Variants in PRDM2 observed in about 807,000 individuals in gnomAD.
PRDM2 encodes the protein PR domain zinc finger protein 2.
PRDM2 carries 30 observed loss-of-function variants against 130.0 expected under a neutral mutation model. The observed-to-expected ratio is 0.23, with a 90% CI of 0.17 to 0.31. PRDM2 has a LOEUF of 0.31. PRDM2 is among the 10% of genes least tolerant of loss of function. The pLI, the probability that PRDM2 is intolerant of heterozygous loss-of-function variation, is 1.00. For synonymous variants in PRDM2, 871 were observed against 782.4 expected, an observed-to-expected ratio of 1.11 and a Z score of -1.89; for missense variants, 2,011 against 2,108.4, an observed-to-expected ratio of 0.95 and a Z score of 0.90.
At position 13,750,145 on chromosome 1, in the gene PRDM2, C is replaced by T. The variant is rs75272424; in HGVS notation, c.511+658C>T. Among the ~76,000 whole-genome samples the T allele has an allele frequency of 5.3e-5, 8 of 152,146 alleles. No homozygotes were observed. The East Asian group carries it at 1.5e-3, about 29-fold the overall frequency. On this transcript the variant is annotated intron_variant, in intron 6 of 9. Transcript: ENST00000311066. ...ATAGTTTTACGACTTCTGATGATTT[C>T]GAACAAAAGGTAAAGTGTAGTCACA...
intron 6 of PRDM2, among the ~76,000 whole-genome samples, chr1:13,754,640 T>C (rs552016452): frequency 3.1e-4 from 47 of 152,376 alleles, no homozygotes; most frequent in Non-Finnish European, 5.9e-4. Flanking sequence ...CCGTGGAGTT[T>C]GATCTCCTAA....
chr1:13,749,449 G>A lies in PRDM2; in HGVS notation c.473G>A (p.Ser158Asn), dbSNP rs1363350686. The A allele has an allele frequency of 6.6e-7, 1 of 1,509,326 alleles. No individual in the cohort carries two copies. The highest frequency in any genetic ancestry group is 1.8e-5 in the Admixed American group (1 of 54,824). The allele number at this position is 1,509,326 out of a possible 1,614,324, so 93.5% of individuals were successfully genotyped here. The change falls in exon 6 of 10, where the codon AGC (serine) becomes AAC (asparagine). Residue 158 changes from serine to asparagine, a missense_variant. Coordinates refer to ENST00000311066, the MANE Select transcript of PRDM2 (RefSeq NM_001393986.1). ...GCTGCGATTGAGGAAGAGCGAGCCA[G>A]CGCCCGGAGCAAGCGGAGCTCCCCC... ...IAAAIEEERA[S>N]ARSKRSSPKS...
At chr1:13,792,604 T>G (rs1308126932) in intron 8 of PRDM2, among the ~76,000 whole-genome samples, 2 of 152,234 alleles carry the variant, frequency 1.3e-5, no homozygotes, top group Non-Finnish European at 2.9e-5. Context: ...TTCAGGCACA[T>G]TCTCCTGTTG....
At chr1:13,766,451 A>G (rs1490133582) in intron 6 of PRDM2, among the ~76,000 whole-genome samples, 1 of 152,226 alleles carries the variant, frequency 6.6e-6, no homozygotes, top group African/African-American at 2.4e-5. Flanking sequence ...TAATTATGGT[A>G]TTAGTGATAG....
chr1:13,782,187 C>T lies in PRDM2; in HGVS notation c.4392C>T (p.Phe1464=). ...TCTGCCCTTACTGTAATCGAGAGTT[C>T]ACTTACATTGGAAGCCTGAATAAAC... ...SHICPYCNRE[F]TYIGSLNKHA... is the part of the protein sequence containing the mutation. The change falls in exon 8 of 10, where the codon TTC becomes TTT. Residue 1464 remains phenylalanine (F), a synonymous_variant. Transcript: ENST00000311066. 2 of 1,613,724 alleles carry T rather than the reference C, an allele frequency of 1.2e-6. No homozygotes were observed. Among genetic ancestry groups the T allele is most frequent in the South Asian group, 2.2e-5 (2 of 91,046 alleles).
At position 13,763,198 on chromosome 1, in the gene PRDM2, A is replaced by G. The variant is rs145186395; in HGVS notation, c.512-9880A>G. 4.6e-5 allele frequency among the ~76,000 whole-genome samples: 7 copies of G among 152,374 alleles called. No individual in the cohort carries two copies. In the East Asian group the frequency reaches 1.2e-3, roughly 25 times the overall value. ...AGGTTAATACTGGCAGGCATTCAAC[A>G]TGATTGTTTAAATTAGATATTTGAT... On this transcript the variant is annotated intron_variant, in intron 6 of 9. Coordinates refer to ENST00000311066, the MANE Select transcript of PRDM2 (RefSeq NM_001393986.1).
chr1:13,800,803 G>T (rs997596291), intron 8 of PRDM2, among the ~76,000 whole-genome samples: 1 of 152,266 alleles, frequency 6.6e-6, no homozygotes, highest in Admixed American at 6.5e-5. Context: ...GGGTTGGGGG[G>T]GGTCTCCTCT....
chr1:13,721,468 CTAAG>C (rs1297102822), intron 2 of PRDM2, among the ~76,000 whole-genome samples: 1 of 151,812 alleles, frequency 6.6e-6, no homozygotes, highest in Admixed American at 6.6e-5. Context: ...AAAAAGACTT[CTAAG>C]TAAGGTGGTT....
chr1:13,725,385 A>T (rs886887722), intron 2 of PRDM2, among the ~76,000 whole-genome samples: 1 of 151,918 alleles, frequency 6.6e-6, no homozygotes, highest in Admixed American at 6.6e-5. Flanking sequence ...TTGTTTTTTT[A>T]GTAGAGATAG....
chr1:13,820,621 C>G (rs1045312422), intron 9 of PRDM2, among the ~76,000 whole-genome samples: 4 of 152,322 alleles, frequency 2.6e-5, no homozygotes, highest in Non-Finnish European at 5.9e-5. Context: ...TCAGGGCCCT[C>G]TGTGGGCAGG....
chr1:13,791,423 C>T (rs1644836783), intron 8 of PRDM2, among the ~76,000 whole-genome samples: 1 of 152,134 alleles, frequency 6.6e-6, no homozygotes, highest in African/African-American at 2.4e-5. Flanking sequence ...AGAAGCCAAG[C>T]TCATTATAGT....
At chr1:13,754,392 A>G (rs1643901513) in intron 6 of PRDM2, among the ~76,000 whole-genome samples, 1 of 152,134 alleles carries the variant, frequency 6.6e-6, no homozygotes, top group Non-Finnish European at 1.5e-5. Context: ...GTTCTGGTTG[A>G]TGTGGGAGAG....
chr1:13,778,569 G>A lies in PRDM2; in HGVS notation c.774G>A (p.Ala258=), dbSNP rs142219978. Residue 258 remains alanine (A), a synonymous_variant, in exon 8 of 10, where the codon GCG becomes GCA. Coordinates refer to ENST00000311066, the MANE Select transcript of PRDM2 (RefSeq NM_001393986.1). ...PQPEPDERLE[A]AACEVNDLGE... ...CAGAACCAGACGAGCGATTAGAAGC[G>A]GCAGCTTGTGAGGTGAATGATTTGG... The A allele has an allele frequency of 5.2e-5, 84 of 1,613,988 alleles. No individual in the cohort carries two copies. Among genetic ancestry groups the A allele is most frequent in the Middle Eastern group, 4.9e-4 (3 of 6,084 alleles).
chr1:13,708,813 A>G lies in PRDM2; in HGVS notation c.-65-6728A>G, dbSNP rs80179464. Among the ~76,000 whole-genome samples the G allele has an allele frequency of 2.5e-3, 377 of 152,246 alleles. 13 individuals carry two copies. The East Asian group carries it at 0.062, about 25-fold the overall frequency. On this transcript the variant is annotated intron_variant, in intron 1 of 9. Transcript: ENST00000311066. ...GAGAGGCGTGAGTGGTTTCAAGCAG[A>G]AGGAATTTATTGCCTCTGGTTCAGC...
intron 8 of PRDM2, chr1:13,787,502 TG>T: frequency 2.0e-6 from 2 of 984,714 alleles, no homozygotes; most frequent in Non-Finnish European, 2.4e-6. Flanking sequence ...AATCTACCTC[TG>T]AAAAATTTGT....
intron 8 of PRDM2, among the ~76,000 whole-genome samples, chr1:13,807,569 T>C (rs1373132724): frequency 6.6e-6 from 1 of 152,120 alleles, no homozygotes; most frequent in African/African-American, 2.4e-5. Context: ...ATGAGACATT[T>C]GAACAGAAAC....
chr1:13,713,051 C>T (rs901930438), intron 1 of PRDM2, among the ~76,000 whole-genome samples: 6 of 152,218 alleles, frequency 3.9e-5, no homozygotes, highest in African/African-American at 1.4e-4. Flanking sequence ...CCATACTTTC[C>T]TGGTTTGAAG....
intron 9 of PRDM2, among the ~76,000 whole-genome samples, chr1:13,818,602 G>C (rs1645297169): frequency 6.6e-6 from 1 of 151,636 alleles, no homozygotes; most frequent in Non-Finnish European, 1.5e-5. Flanking sequence ...GGCCAGGATG[G>C]TCTTGATCTC....
chr1:13,736,445 C>T (rs1381358180), intron 4 of PRDM2, among the ~76,000 whole-genome samples: 2 of 152,086 alleles, frequency 1.3e-5, no homozygotes, highest in East Asian at 1.9e-4. Context: ...ATTCCTATGC[C>T]TACCCACAAT....
Sources: allele counts gnomAD v4.1 joint callset (sites outside exome capture counted in the v4.1 genomes callset), GRCh38; gene constraint gnomAD v4.1.1; transcripts MANE v1.5; gene names NCBI Gene and HGNC (gene_info 2026-07-23, HGNC 2026-07-21).